Variants in VAPB observed in about 807,000 individuals in gnomAD.
The protein encoded by VAPB is vesicle-associated membrane protein-associated protein B/C.
VAPB carries 7 observed loss-of-function variants against 25.6 expected under a neutral mutation model. That is an observed-to-expected ratio of 0.27 (90% CI 0.16 to 0.51). The LOEUF (loss-of-function observed/expected upper bound fraction) is 0.51. VAPB is among the 20% of genes least tolerant of loss of function. The probability of loss-of-function intolerance (pLI) is 0.97; values close to 1 mark genes in which losing one functional copy is unlikely to be tolerated. For missense variants in VAPB, 266 were observed against 301.3 expected (o/e 0.88, Z 0.87); for synonymous variants, 112 against 109.2 (o/e 1.03, Z -0.16).
intron 1 of VAPB, among the ~76,000 whole-genome samples, chr20:58,399,254 C>T (rs1304245910): frequency 6.6e-6 from 1 of 150,642 alleles, no homozygotes; most frequent in African/African-American, 2.4e-5. Context: ...GAGCCGAGAT[C>T]GTGCCATTGT....
At position 58,446,378 on chromosome 20, in the gene VAPB, G is replaced by A. The variant is rs777044059; in HGVS notation, c.*2143G>A. On this transcript the variant is annotated 3_prime_UTR_variant, in exon 6 of 6. Coordinates refer to ENST00000475243, the MANE Select transcript of VAPB (RefSeq NM_004738.5). ...ATGTCTTTGATAGGAGAGTGCTTAG[G>A]TGGTCCCCAACAGTGCCTAGGGGTA... 4 of 454,000 alleles carry A rather than the reference G, an allele frequency of 8.8e-6. No individual in the cohort carries two copies. Among genetic ancestry groups the A allele is most frequent in the South Asian group, 6.2e-5 (4 of 64,482 alleles). The allele number at this position is 454,000 out of a possible 1,614,324, so 28.1% of individuals were successfully genotyped here.
At chr20:58,410,541 C>T (rs995617274) in intron 1 of VAPB, among the ~76,000 whole-genome samples, 13 of 152,192 alleles carry the variant, frequency 8.5e-5, no homozygotes, top group East Asian at 5.8e-4. Context: ...CTCAGCCCCC[C>T]GAGTTGCTGG....
At position 58,450,067 on chromosome 20, in the gene VAPB, G is replaced by C. The variant is rs886056833; in HGVS notation, c.*5832G>C. On this transcript the variant is annotated 3_prime_UTR_variant, in exon 6 of 6. Transcript: ENST00000475243. ...AAGAAGATGAGAAATGAGTGTGCAC[G>C]TTTCACACGTTGACTTGCCGGTTTT... The C allele has an allele frequency of 2.2e-6, 1 of 454,028 alleles. No homozygotes were observed. The highest frequency in any genetic ancestry group is 4.4e-6 in the Non-Finnish European group (1 of 226,782). The allele number at this position is 454,028 out of a possible 1,614,324, so 28.1% of individuals were successfully genotyped here.
At chr20:58,435,945 C>T (rs576691698) in intron 3 of VAPB, among the ~76,000 whole-genome samples, 1 of 152,230 alleles carries the variant, frequency 6.6e-6, no homozygotes, top group African/African-American at 2.4e-5. Context: ...TGGGTGTTTT[C>T]GAGCTGAGTT....
At chr20:58,415,946 A>G (rs1053183920) in intron 1 of VAPB, among the ~76,000 whole-genome samples, 10 of 152,232 alleles carry the variant, frequency 6.6e-5, no homozygotes, top group African/African-American at 2.4e-4. Context: ...AATTGCCCAG[A>G]GTAGGGAGAG....
rs1319457708 is a variant in VAPB at position 58,444,459 on chromosome 20, A to G, written c.*224A>G. 5 of 640,818 alleles carry G rather than the reference A, an allele frequency of 7.8e-6. No individual in the cohort carries two copies. Among genetic ancestry groups the G allele is most frequent in the African/African-American group, 3.6e-5 (2 of 55,226 alleles). 39.7% of individuals were successfully genotyped at this position (640,818 alleles called of 1,614,324 possible). ...AATGTATAGTAACTGATTGAGGGGG[A>G]AAAGAATGATCTTTATTAATGACAA... On this transcript the variant is annotated 3_prime_UTR_variant, in exon 6 of 6. Transcript: ENST00000475243.
Position 58,450,499 on chromosome 20 carries a change from G to A in VAPB, c.*6264G>A. 2.2e-6 allele frequency: 1 copy of A among 453,724 alleles called. No homozygotes were observed. The highest frequency in any genetic ancestry group is 4.4e-6 in the Non-Finnish European group (1 of 226,734). The allele number at this position is 453,724 out of a possible 1,614,324, so 28.1% of individuals were successfully genotyped here. ...ATATTTGGTTCTCATTTCTGTTGCTGTCGTTTCCTTTTTAAAGACGATTTA... is the reference window on the plus strand; with the variant it reads ...ATATTTGGTTCTCATTTCTGTTGCTATCGTTTCCTTTTTAAAGACGATTTA... On this transcript the variant is annotated 3_prime_UTR_variant, in exon 6 of 6. Coordinates refer to ENST00000475243, the MANE Select transcript of VAPB (RefSeq NM_004738.5).
chr20:58,442,139 A>C (rs1989175255), intron 5 of VAPB, among the ~76,000 whole-genome samples: 1 of 152,190 alleles, frequency 6.6e-6, no homozygotes, highest in Admixed American at 6.5e-5. Flanking sequence ...AACACCTCTA[A>C]GGCCCCTTCC....
rs545025803 is a variant in VAPB at position 58,421,415 on chromosome 20, G to A, written c.211+3052G>A. 8.5e-5 allele frequency among the ~76,000 whole-genome samples: 13 copies of A among 152,254 alleles called. No individual in the cohort carries two copies. In the South Asian group the frequency reaches 2.5e-3, roughly 29 times the overall value. On this transcript the variant is annotated intron_variant, in intron 2 of 5. Coordinates refer to ENST00000475243, the MANE Select transcript of VAPB (RefSeq NM_004738.5). ...ATATTTTATTTATTTATGGACCTTT[G>A]CTAATTTTGAGAAGAAATTTGTGTT...
chr20:58,444,499 A>T lies in VAPB; in HGVS notation c.*264A>T. On this transcript the variant is annotated 3_prime_UTR_variant, in exon 6 of 6. Transcript: ENST00000475243. ...ATTAATGACAAGGGAAACCATGAGT[A>T]ATGCCACAATGGCATATTGTAAATG... 1.7e-6 allele frequency: 1 copy of T among 596,572 alleles called. No individual in the cohort carries two copies. The highest frequency in any genetic ancestry group is 3.1e-6 in the Non-Finnish European group (1 of 319,868). The allele number at this position is 596,572 out of a possible 1,614,324, so 37.0% of individuals were successfully genotyped here.
chr20:58,439,233 G>A, intron 4 of VAPB: 1 of 576,620 alleles, frequency 1.7e-6, no homozygotes, highest in Non-Finnish European at 3.1e-6. Flanking sequence ...GATTGACAGT[G>A]TTTCCCCTTG....
intron 1 of VAPB, chr20:58,390,249 C>G (rs1159844016): frequency 6.6e-6 from 1 of 152,202 alleles, no homozygotes; most frequent in Non-Finnish European, 1.5e-5. Flanking sequence ...TGCCACGGTG[C>G]TGGGATCCTT....
At chr20:58,407,097 A>G (rs901365969) in intron 1 of VAPB, among the ~76,000 whole-genome samples, 1 of 152,232 alleles carries the variant, frequency 6.6e-6, no homozygotes, top group African/African-American at 2.4e-5. Context: ...CGATAATATT[A>G]GTGCTGGATA....
In VAPB at chr20:58,448,783, A is replaced by G. The variant is rs1225397549; in HGVS notation, c.*4548A>G. ...GAAACTGAACACACTACAGACAGTG[A>G]AAAAAGGTACATATTCCATTTTCTC... On this transcript the variant is annotated 3_prime_UTR_variant, in exon 6 of 6. Coordinates refer to ENST00000475243, the MANE Select transcript of VAPB (RefSeq NM_004738.5). The G allele has an allele frequency of 2.2e-6, 1 of 454,008 alleles. No individual in the cohort carries two copies. The highest frequency in any genetic ancestry group is 2.0e-5 in the African/African-American group (1 of 50,006). 28.1% of individuals were successfully genotyped at this position (454,008 alleles called of 1,614,324 possible).
chr20:58,444,573 C>T lies in VAPB; in HGVS notation c.*338C>T, dbSNP rs1453531138. The stretch of plus-strand genomic sequence containing the variant: ...TGGTACATGATGCTGGATTACCTCT[C>T]TTAAAATGACACCCTTCCTCGCCTG... On this transcript the variant is annotated 3_prime_UTR_variant, in exon 6 of 6. Transcript: ENST00000475243. 2.1e-6 allele frequency: 1 copy of T among 468,674 alleles called. No homozygotes were observed. Among genetic ancestry groups the T allele is most frequent in the Admixed American group, 2.3e-5 (1 of 42,924 alleles). The allele number at this position is 468,674 out of a possible 1,614,324, so 29.0% of individuals were successfully genotyped here. A position where few individuals can be genotyped will look rare whatever the true frequency, so the allele number is the denominator to read the frequency against.
chr20:58,402,880 C>A (rs890758815), intron 1 of VAPB, among the ~76,000 whole-genome samples: 1 of 152,226 alleles, frequency 6.6e-6, no homozygotes, highest in East Asian at 1.9e-4. Flanking sequence ...TGGTGCATGC[C>A]CATAATCCCA....
intron 2 of VAPB, among the ~76,000 whole-genome samples, chr20:58,429,835 C>T (rs1244497500): frequency 6.6e-6 from 1 of 152,124 alleles, no homozygotes; most frequent in Non-Finnish European, 1.5e-5. Flanking sequence ...ATTTTTACCT[C>T]CTGGAGGGCC....
chr20:58,426,392 A>G (rs1988782800), intron 2 of VAPB, among the ~76,000 whole-genome samples: 1 of 152,214 alleles, frequency 6.6e-6, no homozygotes, highest in Non-Finnish European at 1.5e-5. Context: ...TAGTGGATTC[A>G]GTCCTGGAAG....
chr20:58,441,469 G>A (rs755967018), intron 5 of VAPB, among the ~76,000 whole-genome samples: 2 of 152,094 alleles, frequency 1.3e-5, no homozygotes, highest in South Asian at 4.1e-4. Flanking sequence ...GTGAAACCCC[G>A]TCTCTAATAA....
Sources: allele counts gnomAD v4.1 joint callset (sites outside exome capture counted in the v4.1 genomes callset), GRCh38; gene constraint gnomAD v4.1.1; transcripts MANE v1.5; gene names NCBI Gene and HGNC (gene_info 2026-07-23, HGNC 2026-07-21).